The following PDE4B variants were observed in gnomAD, a reference collection of about 807,000 sequenced individuals.
PDE4B encodes 3',5'-cyclic-AMP phosphodiesterase 4B.
In PDE4B, 20 loss-of-function variants were observed where a neutral mutation model predicts 82.2. The ratio of observed to expected loss-of-function variants is 0.24; its 90% confidence interval spans 0.17 to 0.35. The LOEUF (loss-of-function observed/expected upper bound fraction) is 0.35. Among genes scored for constraint, PDE4B ranks in the 10% least tolerant of loss-of-function variants. PDE4B has a pLI of 1.00. For synonymous variants in PDE4B, 320 were observed against 318.9 expected (o/e 1.00, Z -0.04); for missense variants, 655 against 907.2 (o/e 0.72, Z 3.57).
chr1:66,098,424 G>A lies in PDE4B; in HGVS notation c.282-149036G>A, dbSNP rs951168341. On this transcript the variant is annotated intron_variant, in intron 3 of 16. Transcript: ENST00000341517. ...ACCCTGCTTCTTTACCTTTTCTCAG[G>A]AATCATGATCCATCATTTCATAGAT... Among the ~76,000 whole-genome samples the A allele has an allele frequency of 3.9e-5, 6 of 151,960 alleles. 1 individual carries two copies. Among genetic ancestry groups the A allele is most frequent in the Admixed American group, 2.0e-4 (3 of 15,236 alleles).
chr1:66,107,011 T>C (rs1465201094), intron 3 of PDE4B, among the ~76,000 whole-genome samples: 29 of 149,216 alleles, frequency 1.9e-4, no homozygotes, highest in Non-Finnish European at 4.0e-4. Flanking sequence ...GCTTTTCTAG[T>C]TCTTTTAATT....
chr1:65,933,131 A>G (rs1010686321), intron 3 of PDE4B, among the ~76,000 whole-genome samples: 5 of 152,116 alleles, frequency 3.3e-5, no homozygotes, highest in African/African-American at 1.2e-4. Context: ...ATGAACGGAA[A>G]GAAACCTACA....
At chr1:65,847,123 C>T (rs1032870936) in intron 1 of PDE4B, among the ~76,000 whole-genome samples, 1 of 152,176 alleles carries the variant, frequency 6.6e-6, no homozygotes, top group African/African-American at 2.4e-5. Flanking sequence ...GATCACTGTT[C>T]TAGATACTGT....
chr1:66,098,041 A>G (rs1645151770), intron 3 of PDE4B, among the ~76,000 whole-genome samples: 3 of 152,058 alleles, frequency 2.0e-5, no homozygotes, highest in African/African-American at 7.2e-5. Context: ...ATTCTTGCGG[A>G]TGCTCCATGT....
At chr1:66,097,910 C>A (rs1338733694) in intron 3 of PDE4B, among the ~76,000 whole-genome samples, 1 of 148,632 alleles carries the variant, frequency 6.7e-6, no homozygotes, top group Non-Finnish European at 1.5e-5. Flanking sequence ...TTTGTTCTGG[C>A]ACCATTGGGA....
chr1:66,248,705 A>G (rs1351654378), intron 4 of PDE4B, among the ~76,000 whole-genome samples: 1 of 152,242 alleles, frequency 6.6e-6, no homozygotes, highest in African/African-American at 2.4e-5. Context: ...AAAATCACAG[A>G]TGAGTTAAAA....
chr1:65,809,639 G>T (rs570674879), intron 1 of PDE4B, among the ~76,000 whole-genome samples: 1 of 152,038 alleles, frequency 6.6e-6, no homozygotes, highest in Non-Finnish European at 1.5e-5. Context: ...ATTTAAAGAG[G>T]CTTTAGCATT....
intron 3 of PDE4B, among the ~76,000 whole-genome samples, chr1:66,021,193 T>C (rs1653087262): frequency 6.6e-6 from 1 of 152,234 alleles, no homozygotes; most frequent in African/African-American, 2.4e-5. Context: ...TTTGTTTAAG[T>C]TCATTGTAGA....
At chr1:65,893,692 C>T (rs58536115) in intron 1 of PDE4B, among the ~76,000 whole-genome samples, 40,275 of 151,696 alleles carry the variant, frequency 0.27, 6,047 homozygotes, top group East Asian at 0.48. Context: ...AACATGCACA[C>T]ATGTTTATAA....
chr1:65,867,104 T>C (rs1646520614), intron 1 of PDE4B, among the ~76,000 whole-genome samples: 1 of 152,112 alleles, frequency 6.6e-6, no homozygotes, highest in Admixed American at 6.5e-5. Context: ...AACAAGTAAA[T>C]AATTATTGAA....
At chr1:65,816,190 AGTGTGTGTGTGTGT>A (rs139330007) in intron 1 of PDE4B, among the ~76,000 whole-genome samples, 39 of 132,796 alleles carry the variant, frequency 2.9e-4, no homozygotes, top group African/African-American at 1.1e-3. Context: ...TTATTAATGC[AGTGTGTGTGTGTGT>A]GTGTGTGTGT....
At chr1:65,918,040 T>C (rs1334154100) in intron 2 of PDE4B, among the ~76,000 whole-genome samples, 1 of 152,162 alleles carries the variant, frequency 6.6e-6, no homozygotes, top group East Asian at 1.9e-4. Flanking sequence ...GGTGTGTGCC[T>C]GTAGTCCTAG....
chr1:66,240,544 A>T (rs892329240), intron 3 of PDE4B, among the ~76,000 whole-genome samples: 4 of 152,182 alleles, frequency 2.6e-5, no homozygotes, highest in Non-Finnish European at 4.4e-5. Flanking sequence ...CTAAAGAAAC[A>T]TTATTCCCTT....
intron 3 of PDE4B, among the ~76,000 whole-genome samples, chr1:66,049,053 T>A (rs1438212163): frequency 6.6e-6 from 1 of 152,070 alleles, no homozygotes; most frequent in African/African-American, 2.4e-5. Context: ...CATCTCCATA[T>A]CTTATATTTG....
intron 3 of PDE4B, among the ~76,000 whole-genome samples, chr1:65,950,663 A>T (rs953603896): frequency 1.3e-5 from 2 of 152,088 alleles, no homozygotes; most frequent in Admixed American, 6.6e-5. Flanking sequence ...TGTGTATCCC[A>T]TGCCAGGAGG....
chr1:66,212,343 A>G (rs939010063), intron 3 of PDE4B, among the ~76,000 whole-genome samples: 1 of 152,204 alleles, frequency 6.6e-6, no homozygotes, highest in Admixed American at 6.5e-5. Context: ...GTCTTTCTGT[A>G]CATAGGCATC....
At chr1:66,347,560 G>C (rs182041445) in intron 8 of PDE4B, among the ~76,000 whole-genome samples, 36 of 152,150 alleles carry the variant, frequency 2.4e-4, no homozygotes, top group Admixed American at 2.0e-4. Context: ...TTATTTTTTT[G>C]ATAGGCCCTA....
intron 3 of PDE4B, among the ~76,000 whole-genome samples, chr1:66,109,705 T>C (rs1171766364): frequency 6.6e-6 from 1 of 151,928 alleles, no homozygotes; most frequent in Non-Finnish European, 1.5e-5. Context: ...AATATTATTT[T>C]ATTTTAGATT....
chr1:65,860,049 T>A (rs1646436467), intron 1 of PDE4B, among the ~76,000 whole-genome samples: 1 of 152,158 alleles, frequency 6.6e-6, no homozygotes, highest in African/African-American at 2.4e-5. Flanking sequence ...TTAAAATTTT[T>A]CTTTAAGTTC....
Sources: gnomAD v4.1 joint callset for allele counts (sites outside exome capture counted in the v4.1 genomes callset) on GRCh38, gnomAD v4.1.1 for gene constraint, MANE v1.5 for transcripts, NCBI Gene and HGNC (gene_info 2026-07-23, HGNC 2026-07-21) for gene names.